The following DCC variants were observed in gnomAD, a reference collection of about 807,000 sequenced individuals.
DCC encodes the protein netrin receptor DCC.
A neutral mutation model predicts 172.5 loss-of-function variants in DCC; 58 were observed. The ratio of observed to expected loss-of-function variants is 0.34; its 90% CI spans 0.27 to 0.42. The LOEUF (loss-of-function observed/expected upper bound fraction) is 0.42. Among genes scored for constraint, DCC ranks in the 10% least tolerant of loss-of-function variants. The pLI is 1.00. For missense variants in DCC, 1,740 were observed against 1,791.0 expected, an observed-to-expected ratio of 0.97 and a Z score of 0.51; for synonymous variants, 709 against 644.5, an observed-to-expected ratio of 1.10 and a Z score of -1.52.
At chr18:52,594,550 T>A (rs1006448987) in intron 1 of DCC, among the ~76,000 whole-genome samples, 2 of 152,188 alleles carry the variant, frequency 1.3e-5, no homozygotes, top group Non-Finnish European at 2.9e-5. Flanking sequence ...CAACAACCTA[T>A]ATTACATGTG....
intron 2 of DCC, among the ~76,000 whole-genome samples, chr18:52,796,394 A>T (rs1315374283): frequency 6.6e-6 from 1 of 152,028 alleles, no homozygotes; most frequent in Non-Finnish European, 1.5e-5. Context: ...TCATTTGTGT[A>T]TCTAGTCTAC....
chr18:52,550,839 G>C (rs894059999), intron 1 of DCC, among the ~76,000 whole-genome samples: 1 of 151,826 alleles, frequency 6.6e-6, no homozygotes, highest in Non-Finnish European at 1.5e-5. Flanking sequence ...AAATAGGTGT[G>C]GGGTGTATGG....
chr18:52,372,765 A>G (rs1336937528), intron 1 of DCC, among the ~76,000 whole-genome samples: 1 of 152,188 alleles, frequency 6.6e-6, no homozygotes, highest in Non-Finnish European at 1.5e-5. Flanking sequence ...TTGACGGTGC[A>G]AAACCCAAGA....
intron 9 of DCC, among the ~76,000 whole-genome samples, chr18:53,200,905 T>C (rs2055527024): frequency 1.3e-5 from 2 of 152,238 alleles, no homozygotes; most frequent in South Asian, 2.1e-4. Context: ...CGTGCCACAC[T>C]TGGAACCTCA....
chr18:53,134,980 T>G (rs1437421530), intron 7 of DCC, among the ~76,000 whole-genome samples: 1 of 152,192 alleles, frequency 6.6e-6, no homozygotes, highest in Non-Finnish European at 1.5e-5. Context: ...ACATTAGTAC[T>G]AGGTTGTCAG....
intron 5 of DCC, among the ~76,000 whole-genome samples, chr18:52,994,499 T>C (rs2145628192): frequency 6.6e-6 from 1 of 152,290 alleles, no homozygotes; most frequent in East Asian, 1.9e-4. Context: ...TCTGGTGGGA[T>C]ATGAACGTAC....
At chr18:52,531,296 C>A (rs2032142476) in intron 1 of DCC, among the ~76,000 whole-genome samples, 1 of 152,162 alleles carries the variant, frequency 6.6e-6, no homozygotes, top group African/African-American at 2.4e-5. Flanking sequence ...TACAAGGATG[C>A]AGCATTTGCT....
rs1907540489 is a variant in DCC at position 53,379,225 on chromosome 18, C to G, written c.2360-6818C>G. On this transcript the variant is annotated intron_variant, in intron 15 of 28. Coordinates refer to ENST00000442544, the MANE Select transcript of DCC (RefSeq NM_005215.4). ...AAAGCAGCTACCACTCTAATTTTCT[C>G]TAATTGACTTGTTGGCAGTGCTAAC... Among the ~76,000 whole-genome samples the G allele has an allele frequency of 3.3e-5, 5 of 152,214 alleles. No homozygotes were observed. The South Asian group carries it at 1.0e-3, about 31-fold the overall frequency.
chr18:53,311,161 G>T (rs1267832980), intron 13 of DCC, among the ~76,000 whole-genome samples: 1 of 149,444 alleles, frequency 6.7e-6, no homozygotes, highest in African/African-American at 2.5e-5. Context: ...CACTCTTATT[G>T]CCCAGACTGG....
At chr18:53,306,562 A>C (rs2057202725) in intron 13 of DCC, among the ~76,000 whole-genome samples, 1 of 152,192 alleles carries the variant, frequency 6.6e-6, no homozygotes, top group Non-Finnish European at 1.5e-5. Flanking sequence ...CTCACAGTCC[A>C]TGGATAGAAG....
chr18:52,526,710 C>T (rs1171116103), intron 1 of DCC, among the ~76,000 whole-genome samples: 1 of 151,946 alleles, frequency 6.6e-6, no homozygotes, highest in Non-Finnish European at 1.5e-5. Flanking sequence ...TTATTGAGTA[C>T]AATAGCTGAA....
intron 1 of DCC, among the ~76,000 whole-genome samples, chr18:52,587,954 C>G (rs149313040): frequency 6.6e-6 from 1 of 152,234 alleles, no homozygotes; most frequent in Admixed American, 6.5e-5. Context: ...AGGAACTGCT[C>G]GAACCCGATT....
intron 5 of DCC, among the ~76,000 whole-genome samples, chr18:52,979,232 C>T (rs1210982056): frequency 6.6e-6 from 1 of 152,042 alleles, no homozygotes; most frequent in Non-Finnish European, 1.5e-5. Flanking sequence ...GGAGATTAGT[C>T]ATTAAGGTAG....
chr18:53,414,983 A>C (rs1308657213), intron 20 of DCC, among the ~76,000 whole-genome samples: 1 of 152,198 alleles, frequency 6.6e-6, no homozygotes, highest in Non-Finnish European at 1.5e-5. Flanking sequence ...TTTAGAAATC[A>C]CTCTTAGGAT....
rs2056856460 is a variant in DCC, at chr18:53,280,333, A to G, written c.1912-25245A>G. 2.0e-5 allele frequency among the ~76,000 whole-genome samples: 3 copies of G among 152,134 alleles called. No individual in the cohort carries two copies. In the South Asian group the frequency reaches 6.2e-4, roughly 31 times the overall value. ...AGTCTCATTTCTGTTTACATTTCAG[A>G]GACATTTGTAGGTTTTATTGTTGAT... is the stretch of plus-strand genomic sequence containing the variant. On this transcript the variant is annotated intron_variant, in intron 12 of 28. Transcript: ENST00000442544.
intron 1 of DCC, among the ~76,000 whole-genome samples, chr18:52,680,577 C>T (rs1158719118): frequency 1.3e-5 from 2 of 152,092 alleles, no homozygotes; most frequent in East Asian, 3.9e-4. Context: ...ATCTTCTCCA[C>T]CATTATACCC....
At chr18:52,522,549 G>A (rs985045068) in intron 1 of DCC, among the ~76,000 whole-genome samples, 5 of 152,114 alleles carry the variant, frequency 3.3e-5, no homozygotes, top group Admixed American at 6.5e-5. Context: ...ACTGCATATT[G>A]CGTTATTTAC....
chr18:52,855,252 A>G lies in DCC; in HGVS notation c.413-50792A>G, dbSNP rs548607060. On this transcript the variant is annotated intron_variant, in intron 2 of 28. Transcript: ENST00000442544. ...TTATCCCAAGTTTTCATTTCTACTT[A>G]GAGCATCTTCAACAAAGTATGGCAC... Among the ~76,000 whole-genome samples the G allele has an allele frequency of 3.9e-5, 6 of 152,326 alleles. No homozygotes were observed. The East Asian group carries it at 9.6e-4, about 24-fold the overall frequency.
At chr18:53,365,688 C>T (rs549977910) in intron 15 of DCC, among the ~76,000 whole-genome samples, 1 of 152,128 alleles carries the variant, frequency 6.6e-6, no homozygotes, top group African/African-American at 2.4e-5. Context: ...TAGTCATAAG[C>T]AAAAATGCAG....
Sources: gnomAD v4.1 joint callset for allele counts (sites outside exome capture counted in the v4.1 genomes callset) on GRCh38, gnomAD v4.1.1 for gene constraint, MANE v1.5 for transcripts, NCBI Gene and HGNC (gene_info 2026-07-23, HGNC 2026-07-21) for gene names.